PTPRD: variants seen among roughly 807,000 people sequenced by gnomAD.
PTPRD encodes the protein receptor-type tyrosine-protein phosphatase delta.
In PTPRD, 34 loss-of-function variants were observed where a neutral mutation model predicts 214.5. The observed-to-expected ratio is 0.16, with a 90% CI of 0.12 to 0.21. The LOEUF is 0.21. Ranked by LOEUF, PTPRD falls within the 10% of genes least tolerant of loss-of-function variation. The probability of loss-of-function intolerance (pLI) is 1.00; values close to 1 mark genes in which losing one functional copy is unlikely to be tolerated. For missense variants in PTPRD, 2,545 were observed against 2,398.7 expected (o/e 1.06, Z -1.27); for synonymous variants, 1,128 against 845.7 (o/e 1.33, Z -5.79).
intron 9 of PTPRD, among the ~76,000 whole-genome samples, chr9:9,227,068 G>T (rs1319562415): frequency 6.6e-6 from 1 of 151,844 alleles, no homozygotes; most frequent in Non-Finnish European, 1.5e-5. Context: ...TAATACTTTG[G>T]TGAAATAGGT....
intron 8 of PTPRD, among the ~76,000 whole-genome samples, chr9:9,493,787 C>CAAAAAAAAAAAAAAAA (rs750252052): frequency 1.5e-4 from 8 of 54,444 alleles, no homozygotes; most frequent in East Asian, 1.2e-3. Flanking sequence ...GACTCCGTCT[C>CAAAAAAAAAAAAAAAA]AAAAAAAAAA....
intron 8 of PTPRD, among the ~76,000 whole-genome samples, chr9:9,490,906 T>C (rs1010708734): frequency 1.3e-5 from 2 of 151,794 alleles, no homozygotes; most frequent in African/African-American, 4.8e-5. Flanking sequence ...GAACGAATTG[T>C]TTGTTGAACT....
chr9:8,420,689 T>C (rs2094293399), intron 35 of PTPRD, among the ~76,000 whole-genome samples: 2 of 152,116 alleles, frequency 1.3e-5, no homozygotes, highest in Non-Finnish European at 1.5e-5. Flanking sequence ...GAGAGATAAA[T>C]ACTGAAGCTG....
chr9:10,563,262 A>C (rs1175489024), intron 2 of PTPRD, among the ~76,000 whole-genome samples: 1 of 152,202 alleles, frequency 6.6e-6, no homozygotes, highest in Non-Finnish European at 1.5e-5. Flanking sequence ...AGCTGGCAGA[A>C]AGGAATCCTT....
chr9:9,420,313 T>C lies in PTPRD; in HGVS notation c.-236-22831A>G, dbSNP rs76462188. On this transcript the variant is annotated intron_variant, in intron 8 of 45. Transcript: ENST00000381196. Reference sequence around the variant, plus strand: ...TATCTAATGAACAGCAAATATTTAGTAAACTTTTAAAATATAAAGCATATT... The same window carrying C: ...TATCTAATGAACAGCAAATATTTAGCAAACTTTTAAAATATAAAGCATATT... Among the ~76,000 whole-genome samples, 1,481 of 151,942 alleles carry C rather than the reference T, an allele frequency of 9.7e-3. 27 individuals carry two copies. Among genetic ancestry groups the C allele is most frequent in the East Asian group, 0.061 (314 of 5,180 alleles).
chr9:8,588,943 G>C (rs1398370513), intron 14 of PTPRD, among the ~76,000 whole-genome samples: 1 of 151,884 alleles, frequency 6.6e-6, no homozygotes, highest in Non-Finnish European at 1.5e-5. Flanking sequence ...AAGAGCCAAG[G>C]AATTTGTATT....
chr9:9,549,463 A>C (rs1322201461), intron 8 of PTPRD, among the ~76,000 whole-genome samples: 1 of 152,080 alleles, frequency 6.6e-6, no homozygotes, highest in Non-Finnish European at 1.5e-5. Context: ...GCAAACTGAA[A>C]CCATCATAAG....
chr9:10,450,249 A>AACT (rs2098831561), intron 2 of PTPRD, among the ~76,000 whole-genome samples: 2 of 151,522 alleles, frequency 1.3e-5, no homozygotes, highest in African/African-American at 4.9e-5. Flanking sequence ...AATACTAAAA[A>AACT]AAATAAATAA....
rs570171327 is a variant in PTPRD at position 9,785,172 on chromosome 9, T to C, written c.-367-18321A>G. Among the ~76,000 whole-genome samples the C allele has an allele frequency of 2.0e-5, 3 of 152,094 alleles. No homozygotes were observed. The East Asian group carries it at 5.8e-4, about 29-fold the overall frequency. ...ACTATTTTAAGTAACAAAAATCTTA[T>C]TGTATAATAAATATAGAAAGGATCA... On this transcript the variant is annotated intron_variant, in intron 5 of 45. Coordinates refer to ENST00000381196, the MANE Select transcript of PTPRD (RefSeq NM_002839.4).
rs201223392 is a variant in PTPRD, at chr9:8,376,570, A to G, written c.4506+37T>C. On this transcript the variant is annotated intron_variant, in intron 38 of 45. Coordinates refer to ENST00000381196, the MANE Select transcript of PTPRD (RefSeq NM_002839.4). ...AAAAGAAGCTTTCTTTAAACAATAG[A>G]GAAGGGAAAGGGAGGAGAAAAAGAT... The G allele has an allele frequency of 5.8e-4, 936 of 1,611,708 alleles. 12 individuals are homozygous for G. The South Asian group carries it at 9.8e-3, about 17-fold the overall frequency.
chr9:10,294,971 A>G (rs2095633307), intron 3 of PTPRD, among the ~76,000 whole-genome samples: 1 of 149,946 alleles, frequency 6.7e-6, no homozygotes, highest in Non-Finnish European at 1.5e-5. Context: ...TTACCATAGT[A>G]AGTTCTTCTA....
At chr9:10,251,671 T>C (rs963126709) in intron 3 of PTPRD, among the ~76,000 whole-genome samples, 3 of 152,216 alleles carry the variant, frequency 2.0e-5, no homozygotes, top group African/African-American at 7.2e-5. Context: ...ACAAGTTCAC[T>C]CTGTGATCCT....
intron 2 of PTPRD, among the ~76,000 whole-genome samples, chr9:10,531,190 T>C (rs10959150): frequency 0.24 from 36,593 of 151,886 alleles, 5,062 homozygotes; most frequent in Non-Finnish European, 0.32. Flanking sequence ...CCTCAAGTGA[T>C]CCGCCCTCCT....
chr9:10,515,914 C>CT (rs538646480), intron 2 of PTPRD, among the ~76,000 whole-genome samples: 2 of 151,932 alleles, frequency 1.3e-5, no homozygotes, highest in African/African-American at 2.4e-5. Flanking sequence ...GCAGAATTTT[C>CT]TTTTTTATGG....
intron 11 of PTPRD, chr9:8,862,307 G>A (rs1166789923): frequency 6.6e-6 from 1 of 152,274 alleles, no homozygotes; most frequent in Non-Finnish European, 1.5e-5. Context: ...AGTGAGCCGA[G>A]ATCACGCCAT....
In PTPRD at chr9:8,539,692, C is replaced by T. The variant is rs72694796; in HGVS notation, c.353-10913G>A. 3.5e-3 allele frequency among the ~76,000 whole-genome samples: 532 copies of T among 152,022 alleles called. 1 individual carries two copies. The highest frequency in any genetic ancestry group is 4.5e-3 in the African/African-American group (187 of 41,502). ...GAAAAGAGTCACAACCTAAATATGA[C>T]CACCAGTAAACATCAGCAAAACCCC... On this transcript the variant is annotated intron_variant, in intron 14 of 45. Transcript: ENST00000381196.
intron 20 of PTPRD, among the ~76,000 whole-genome samples, chr9:8,520,588 G>C (rs1261861953): frequency 6.6e-6 from 1 of 151,776 alleles, no homozygotes; most frequent in Non-Finnish European, 1.5e-5. Flanking sequence ...ACACTTTCTA[G>C]AATTCTATAA....
At chr9:8,720,482 G>T (rs1278573907) in intron 12 of PTPRD, among the ~76,000 whole-genome samples, 1 of 152,090 alleles carries the variant, frequency 6.6e-6, no homozygotes, top group South Asian at 2.1e-4. Flanking sequence ...AAAATATTTT[G>T]GCCATGATTT....
chr9:9,900,852 G>A, intron 5 of PTPRD, among the ~76,000 whole-genome samples: 1 of 151,926 alleles, frequency 6.6e-6, no homozygotes, highest in Non-Finnish European at 1.5e-5. Flanking sequence ...GGCTAGGATG[G>A]TCTCTATCTC....
Sources: gnomAD v4.1 joint callset for allele counts (sites outside exome capture counted in the v4.1 genomes callset) on GRCh38, gnomAD v4.1.1 for gene constraint, MANE v1.5 for transcripts, NCBI Gene and HGNC (gene_info 2026-07-23, HGNC 2026-07-21) for gene names.